SPTBN5: variants seen among roughly 807,000 people sequenced by gnomAD.
SPTBN5 encodes the protein spectrin beta, non-erythrocytic 5.
In SPTBN5, 513 loss-of-function variants were observed where a neutral mutation model predicts 477.6. The observed-to-expected ratio is 1.07, with a 90% CI of 1.00 to 1.16. SPTBN5 has a LOEUF of 1.16. Among genes scored for constraint, SPTBN5 ranks in the 50% most tolerant of loss-of-function variants. The probability of loss-of-function intolerance (pLI) is 0.00; values close to 1 mark genes in which losing one functional copy is unlikely to be tolerated. For synonymous variants in SPTBN5, 2,169 were observed against 2,011.7 expected (o/e 1.08, Z -2.09); for missense variants, 5,062 against 4,731.8 (o/e 1.07, Z -2.05).
Position 41,860,596 on chromosome 15 carries a change from T to A in SPTBN5, c.7978A>T (p.Met2660Leu). ...AQSALGRCQA[M>L]LLRKEALFRQ... ...CAGAGCCACCACTACCTCAGAAGCATGGCCTGGCACCTGCCCAGGGCACTC... is the reference window on the plus strand; with the variant it reads ...CAGAGCCACCACTACCTCAGAAGCAAGGCCTGGCACCTGCCCAGGGCACTC... Residue 2660 changes from methionine to leucine, a missense_variant, in exon 47 of 68, where the codon ATG (methionine) becomes TTG (leucine). By Grantham distance (15) the Met-to-Leu change is conservative. Coordinates refer to ENST00000320955, the MANE Select transcript of SPTBN5 (RefSeq NM_016642.4). 6.9e-7 allele frequency: 1 copy of A among 1,454,472 alleles called. No homozygotes were observed. Among genetic ancestry groups the A allele is most frequent in the Non-Finnish European group, 9.1e-7 (1 of 1,098,486 alleles). 90.1% of individuals were successfully genotyped at this position (1,454,472 alleles called of 1,614,324 possible). A position where few individuals can be genotyped will look rare whatever the true frequency, so the allele number is the denominator to read the frequency against.
chr15:41,868,068 C>G lies in SPTBN5; in HGVS notation c.6207+1G>C. 1 of 1,598,516 alleles carries G rather than the reference C, an allele frequency of 6.3e-7. No homozygotes were observed. The highest frequency in any genetic ancestry group is 8.5e-7 in the Non-Finnish European group (1 of 1,176,486). On this transcript the variant is annotated splice_donor_variant, in intron 34 of 67. Transcript: ENST00000320955. LOFTEE classifies it high-confidence loss of function. ...GAGTGTGAGGGCGGGAGGGGACCTG[C>G]CTCCTGGGCCGCGAGGATCTCCTCC...
rs2066578071 is a variant in SPTBN5 at position 41,872,432 on chromosome 15, A to G, written c.5035T>C (p.Trp1679Arg). 2.5e-6 allele frequency: 4 copies of G among 1,574,720 alleles called. No individual in the cohort carries two copies. Among genetic ancestry groups the G allele is most frequent in the Non-Finnish European group, 3.4e-6 (4 of 1,160,634 alleles). The change falls in exon 27 of 68, where the codon TGG becomes CGG. Residue 1679 changes from tryptophan (W) to arginine (R), a missense_variant. By Grantham distance (101) the Trp-to-Arg change is moderately radical. Transcript: ENST00000320955. ...TGGTCAAGCTCCTCCATGGAGCTCCAGTAAATGGCTAGTTCCTCCTGTAGA... is the reference window on the plus strand; with the variant it reads ...TGGTCAAGCTCCTCCATGGAGCTCCGGTAAATGGCTAGTTCCTCCTGTAGA... Reference protein sequence around the residue: ...QALQEELAIYWSSMEELDQTA... With the variant: ...QALQEELAIYRSSMEELDQTA...
At chr15:41,886,473 A>G in intron 6 of SPTBN5, 107 bp from the exon 7 acceptor site, 1 of 1,286,006 alleles carries the variant, frequency 7.8e-7, no homozygotes, top group Non-Finnish European at 1.0e-6. Context: ...TACTTCTCTG[A>G]GCCAAAGATG....
In SPTBN5 at chr15:41,854,843, T is replaced by A. The variant is rs765818373; in HGVS notation, c.9557A>T (p.Gln3186Leu). 15 of 1,604,874 alleles carry A rather than the reference T, an allele frequency of 9.3e-6. No homozygotes were observed. The South Asian group carries it at 1.6e-4, about 17-fold the overall frequency. The change falls in exon 56 of 68, where the codon CAG becomes CTG. Residue 3186 changes from glutamine to leucine, a missense_variant. By Grantham distance (113) the Gln-to-Leu change is moderately radical. Transcript: ENST00000320955. ...CCAAGCAGCCTCAATGCGGCTCCTC[T>A]GGGCTTGGATGTGGGGATAGCGCCT... Reference protein sequence around the residue: ...APRRYPHIQAQRSRIEAAWER... With the variant: ...APRRYPHIQALRSRIEAAWER...
At chr15:41,877,090 C>T in intron 18 of SPTBN5, 26 bp downstream of exon 18, 6 of 1,612,518 alleles carry the variant, frequency 3.7e-6, no homozygotes, top group Non-Finnish European at 5.1e-6. Flanking sequence ...GGAGTGACAG[C>T]CTAGCTCCAC....
At chr15:41,864,172 T>C in intron 39 of SPTBN5, 148 bp from the exon 40 acceptor site, 1 of 676,426 alleles carries the variant, frequency 1.5e-6, no homozygotes, top group Non-Finnish European at 2.5e-6. Context: ...CTGCCTCCTC[T>C]ACTGCGGCAG....
At chr15:41,873,393 G>T in intron 26 of SPTBN5, 99 bp downstream of exon 26, 1 of 911,732 alleles carries the variant, frequency 1.1e-6, no homozygotes, top group Non-Finnish European at 1.7e-6. Context: ...GGAAGCAAGA[G>T]CAGGGCTCCG....
rs1052643510 is a variant in SPTBN5 at position 41,869,873 on chromosome 15, G to T, written c.5821C>A (p.Arg1941=). ...CGGAAGCGGGCCAGGAGGCGTGCCC[G>T]CTCCAGCTGGGCCCTGCGCTGCTCC... ...RMEQRRAQLE[R]ARLLARFRTA... Residue 1941 remains arginine, a synonymous_variant, in exon 32 of 68, where the codon CGG becomes AGG. Transcript: ENST00000320955. 1 of 1,552,810 alleles carries T rather than the reference G, an allele frequency of 6.4e-7. No homozygotes were observed. Among genetic ancestry groups the T allele is most frequent in the Non-Finnish European group, 8.6e-7 (1 of 1,159,036 alleles).
chr15:41,877,553 A>C (rs1267887636), intron 17 of SPTBN5, among the ~76,000 whole-genome samples, 197 bp from the exon 18 acceptor site: 5 of 152,256 alleles, frequency 3.3e-5, no homozygotes, highest in African/African-American at 1.2e-4. Flanking sequence ...GTGGACTGCC[A>C]ACAGCCGATG....
At chr15:41,875,724 C>A (rs2066702309) in intron 21 of SPTBN5, 102 bp from the exon 22 acceptor site, 34 of 1,203,338 alleles carry the variant, frequency 2.8e-5, no homozygotes, top group Non-Finnish European at 3.8e-5. Context: ...AGGGGGTGAC[C>A]ACAGCTGCAC....
Position 41,882,083 on chromosome 15 carries a change from T to C in SPTBN5, c.2310A>G (p.Arg770=), listed in dbSNP as rs1214504371. The C allele has an allele frequency of 1.3e-6, 2 of 1,572,500 alleles. No individual in the cohort carries two copies. Among genetic ancestry groups the C allele is most frequent in the Non-Finnish European group, 8.5e-7 (1 of 1,170,678 alleles). ...CCGCCTGGTCCTGACCGCAGGACGCTCTCTCCAGCGAGGATCGCCGCTCGC... is the reference window on the plus strand; with the variant it reads ...CCGCCTGGTCCTGACCGCAGGACGCCCTCTCCAGCGAGGATCGCCGCTCGC... ...WLRERRSSLE[R]ASCGQDQAAA... Residue 770 remains arginine, a synonymous_variant, in exon 12 of 68, where the codon AGA becomes AGG. Transcript: ENST00000320955.
chr15:41,883,355 T>TCCTCCAGCTGGTGGGAGGCAG lies in SPTBN5; in HGVS notation c.1631_1651dup (p.Ala544_Glu550dup). On this transcript the variant is annotated inframe_insertion, in exon 8 of 68. Coordinates refer to ENST00000320955, the MANE Select transcript of SPTBN5 (RefSeq NM_016642.4). ...TGCTGGTCCAGTGCCCACCTGCAGC[T>TCCTCCAGCTGGTGGGAGGCAG]CCTCCAGCTGGTGGGAGGCAGCCTC... 1 of 1,613,192 alleles carries TCCTCCAGCTGGTGGGAGGCAG rather than the reference T, an allele frequency of 6.2e-7. No homozygotes were observed. Among genetic ancestry groups the TCCTCCAGCTGGTGGGAGGCAG allele is most frequent in the Non-Finnish European group, 8.5e-7 (1 of 1,179,764 alleles).
chr15:41,852,651 G>C lies in SPTBN5; in HGVS notation c.10432C>G (p.Gln3478Glu), dbSNP rs748369698. 6.2e-7 allele frequency: 1 copy of C among 1,613,440 alleles called. No homozygotes were observed. Among genetic ancestry groups the C allele is most frequent in the Non-Finnish European group, 8.5e-7 (1 of 1,179,888 alleles). Reference sequence around the variant, plus strand: ...GTCGTCACCTCTGTCTTTTGCATTTGGGCAAACTTCTCTTCCTGGGCTGCC... The same window carrying C: ...GTCGTCACCTCTGTCTTTTGCATTTCGGCAAACTTCTCTTCCTGGGCTGCC... ...LLAAQEEKFAQMQKTEMEQEL... is the reference protein window; with the variant it reads ...LLAAQEEKFAEMQKTEMEQEL... Residue 3478 changes from glutamine (Q) to glutamate (E), a missense_variant, in exon 61 of 68, where the codon CAA (glutamine) becomes GAA (glutamate). By Grantham distance (29) the Gln-to-Glu change is conservative. Coordinates refer to ENST00000320955, the MANE Select transcript of SPTBN5 (RefSeq NM_016642.4).
chr15:41,871,547 G>GTAGC, intron 28 of SPTBN5, 27 bp from the exon 29 acceptor site: 1 of 1,445,564 alleles, frequency 6.9e-7, no homozygotes, highest in Non-Finnish European at 9.1e-7. Context: ...GGGTGACAGG[G>GTAGC]TAGCCCCCAG....
intron 25 of SPTBN5, 22 bp from the exon 26 acceptor site, chr15:41,873,630 C>T (rs2066616545): frequency 6.5e-7 from 1 of 1,540,320 alleles, no homozygotes; most frequent in Non-Finnish European, 8.8e-7. Context: ...GGGGCCAACT[C>T]ACCTGGAGGA....
chr15:41,859,792 AC>A (rs1318923762), intron 47 of SPTBN5, among the ~76,000 whole-genome samples: 1 of 152,200 alleles, frequency 6.6e-6, no homozygotes, highest in African/African-American at 2.4e-5. Context: ...CTCCACAGGT[AC>A]CCAGGTGTGG....
chr15:41,877,413 T>C, intron 17 of SPTBN5, 57 bp from the exon 18 acceptor site: 2 of 1,566,284 alleles, frequency 1.3e-6, no homozygotes, highest in Non-Finnish European at 1.7e-6. Context: ...GTCAGCCTCC[T>C]TCTCCTCTCA....
Position 41,854,888 on chromosome 15 carries a change from G to T in SPTBN5, c.9512C>A (p.Thr3171Asn), listed in dbSNP as rs2065887807. 1 of 1,609,444 alleles carries T rather than the reference G, an allele frequency of 6.2e-7. No individual in the cohort carries two copies. Among genetic ancestry groups the T allele is most frequent in the Non-Finnish European group, 8.5e-7 (1 of 1,177,788 alleles). The part of the protein sequence containing the change: ...KVYALRKLAG[T>N]LERGAPRRYP... ...GCGCCTGGGTGCACCCCGCTCCAGG[G>T]TGCCTGCCAACTTCCTCAGGGCATA... The change falls in exon 56 of 68, where the codon ACC (threonine) becomes AAC (asparagine). Residue 3171 changes from threonine (T) to asparagine (N), a missense_variant. Coordinates refer to ENST00000320955, the MANE Select transcript of SPTBN5 (RefSeq NM_016642.4).
Position 41,870,036 on chromosome 15 carries a change from G to A in SPTBN5, c.5674-16C>T. The stretch of plus-strand genomic sequence containing the variant: ...GTTCCTGCAGCTGCGGGAGGGGCAG[G>A]GAATAGGGAGGCAAGGGTCATGTCC... On this transcript the variant is annotated splice_polypyrimidine_tract_variant and intron_variant, in intron 31 of 67. Transcript: ENST00000320955. 1.4e-6 allele frequency: 2 copies of A among 1,469,004 alleles called. No individual in the cohort carries two copies. The highest frequency in any genetic ancestry group is 9.0e-7 in the Non-Finnish European group (1 of 1,107,202). 91.0% of individuals were successfully genotyped at this position (1,469,004 alleles called of 1,614,324 possible).
Sources: allele counts gnomAD v4.1 joint callset (sites outside exome capture counted in the v4.1 genomes callset), GRCh38; gene constraint gnomAD v4.1.1; transcripts MANE v1.5; gene names NCBI Gene and HGNC (gene_info 2026-07-23, HGNC 2026-07-21).